The following TRIM37 variants were observed in gnomAD, a reference collection of about 807,000 sequenced individuals.
TRIM37 encodes the protein E3 ubiquitin-protein ligase TRIM37.
Under a neutral mutation model 129.8 loss-of-function variants are expected in TRIM37, and 80 were observed. The ratio of observed to expected loss-of-function variants is 0.62; its 90% confidence interval spans 0.51 to 0.74. The LOEUF (loss-of-function observed/expected upper bound fraction) is 0.74. Among genes scored for constraint, TRIM37 ranks in the 30% least tolerant of loss-of-function variants. The probability of loss-of-function intolerance (pLI) is 0.00; values close to 1 mark genes in which losing one functional copy is unlikely to be tolerated. For synonymous variants in TRIM37, 389 were observed against 387.1 expected (o/e 1.00, Z -0.06); for missense variants, 1,054 against 1,176.5 (o/e 0.90, Z 1.52).
At chr17:59,088,008 C>T in intron 4 of TRIM37, 1 of 571,788 alleles carries the variant, frequency 1.7e-6, no homozygotes, top group Non-Finnish European at 3.1e-6. Flanking sequence ...GAAATCATGT[C>T]TCATTTACCT....
At chr17:58,994,129 A>T (rs1054961335), downstream of TRIM37, among the ~76,000 whole-genome samples, 16 of 152,258 alleles carry the variant, frequency 1.1e-4, no homozygotes, top group Middle Eastern at 3.4e-3. Flanking sequence ...TCTGTCAGAG[A>T]AAGGCATTAT....
chr17:59,091,612 A>C (rs75806421), intron 2 of TRIM37, among the ~76,000 whole-genome samples: 1 of 94,048 alleles, frequency 1.1e-5, no homozygotes, highest in East Asian at 2.5e-4. Flanking sequence ...TATATAATAT[A>C]TATATAATGT....
chr17:58,967,663 A>T, the TRIM37 span, among the ~76,000 whole-genome samples: 3 of 151,960 alleles, frequency 2.0e-5, no homozygotes, highest in Non-Finnish European at 4.4e-5. Flanking sequence ...GTGTTTTTTT[A>T]AAAAGAAGCT....
chr17:58,987,306 A>C (rs2031909938), intron 24 of TRIM37, among the ~76,000 whole-genome samples: 2 of 152,224 alleles, frequency 1.3e-5, no homozygotes, highest in Non-Finnish European at 2.9e-5. Context: ...AATTAAGCCA[A>C]ATCGAGTTGC....
rs764216336 is a variant in TRIM37, at chr17:58,999,466, T to A, written c.2813-7A>T. On this transcript the variant is annotated splice_region_variant and splice_polypyrimidine_tract_variant and intron_variant, in intron 23 of 23. Transcript: ENST00000262294. Reference sequence around the variant, plus strand: ...GGAAAACTGGAATGTGTATCTATGATTAAAAAATAAATAAAAAATTTAAAA... The same window carrying A: ...GGAAAACTGGAATGTGTATCTATGAATAAAAAATAAATAAAAAATTTAAAA... 6.2e-7 allele frequency: 1 copy of A among 1,601,634 alleles called. No individual in the cohort carries two copies. The highest frequency in any genetic ancestry group is 8.5e-7 in the Non-Finnish European group (1 of 1,174,112).
At chr17:59,056,398 A>C (rs1482329720) in intron 13 of TRIM37, among the ~76,000 whole-genome samples, 3 of 152,140 alleles carry the variant, frequency 2.0e-5, no homozygotes, top group Non-Finnish European at 4.4e-5. Context: ...TTTGACTACA[A>C]ATTTTTGATT....
intron 13 of TRIM37, among the ~76,000 whole-genome samples, chr17:59,055,339 A>T (rs1189991011): frequency 6.7e-6 from 1 of 148,390 alleles, no homozygotes; most frequent in Non-Finnish European, 1.5e-5. Flanking sequence ...TCTCAAAAAA[A>T]AAAAAAAAAA....
chr17:59,051,099 C>T, intron 14 of TRIM37, 115 bp downstream of exon 14: 4 of 747,644 alleles, frequency 5.4e-6, no homozygotes, highest in Admixed American at 5.2e-5. Flanking sequence ...GATTTTTTTT[C>T]TAATTACAAA....
chr17:59,017,753 T>C (rs975060065), intron 19 of TRIM37, among the ~76,000 whole-genome samples: 1 of 151,982 alleles, frequency 6.6e-6, no homozygotes. Flanking sequence ...GCCTCCCGAG[T>C]AGCTCAGATT....
At position 59,028,482 on chromosome 17, in the gene TRIM37, G is replaced by A; in HGVS notation, c.2190C>T (p.Gly730=). Reference sequence around the variant, plus strand: ...GTTCCATTCCCAAATCCTGCAATCTGCCAGAGTTTTCAGTTCCACATGCAG... The same window carrying A: ...GTTCCATTCCCAAATCCTGCAATCTACCAGAGTTTTCAGTTCCACATGCAG... The part of the protein sequence containing the change: ...ALAACGTENS[G]RLQDLGMELL... The change falls in exon 19 of 24, where the codon GGC becomes GGT. Residue 730 remains glycine, a synonymous_variant. Coordinates refer to ENST00000262294, the MANE Select transcript of TRIM37 (RefSeq NM_015294.6). The A allele has an allele frequency of 1.2e-6, 2 of 1,614,090 alleles. No individual in the cohort carries two copies. Among genetic ancestry groups the A allele is most frequent in the South Asian group, 2.2e-5 (2 of 91,054 alleles).
intron 8 of TRIM37, among the ~76,000 whole-genome samples, chr17:59,071,311 A>C (rs972199489): frequency 1.4e-5 from 2 of 139,514 alleles, no homozygotes; most frequent in Non-Finnish European, 3.1e-5. Flanking sequence ...TTTGAGACAG[A>C]GTCTTGCTCT....
At chr17:59,007,231 C>CCACCCCCACA (rs60395023) in intron 22 of TRIM37, among the ~76,000 whole-genome samples, 1 of 97,500 alleles carries the variant, frequency 1.0e-5, no homozygotes, top group African/African-American at 4.1e-5. Flanking sequence ...CCCCACCCAC[C>CCACCCCCACA]CACACACACA....
intron 7 of TRIM37, among the ~76,000 whole-genome samples, 185 bp downstream of exon 7, chr17:59,079,569 T>C (rs980535868): frequency 1.3e-5 from 2 of 152,206 alleles, no homozygotes; most frequent in African/African-American, 4.8e-5. Flanking sequence ...CAAATGGCTA[T>C]GAAAATTTTT....
In TRIM37 at chr17:59,061,055, T is replaced by C. The variant is rs762104530; in HGVS notation, c.996A>G (p.Ser332=). 132 of 1,613,526 alleles carry C rather than the reference T, an allele frequency of 8.2e-5. 1 individual carries two copies. In the Admixed American group the frequency reaches 2.2e-3, roughly 26 times the overall value. The change falls in exon 12 of 24, where the codon TCA becomes TCG. Residue 332 remains serine (S), a synonymous_variant. Transcript: ENST00000262294. ...ACTTAGAAGTTTCAGGCAAGCCAGCTGAGAGCTCCAGAAACACAGATAAGT... is the reference window on the plus strand; with the variant it reads ...ACTTAGAAGTTTCAGGCAAGCCAGCCGAGAGCTCCAGAAACACAGATAAGT... The part of the protein sequence containing the change: ...GYYLSVFLEL[S]AGLPETSKYE...
chr17:59,034,739 C>G (rs2038271872), intron 17 of TRIM37, among the ~76,000 whole-genome samples: 1 of 152,120 alleles, frequency 6.6e-6, no homozygotes, highest in African/African-American at 2.4e-5. Flanking sequence ...TTCAGTTTCT[C>G]TCTTTCCAAG....
intron 22 of TRIM37, among the ~76,000 whole-genome samples, chr17:59,011,809 C>A (rs1470015914): frequency 1.3e-5 from 2 of 152,110 alleles, no homozygotes; most frequent in African/African-American, 4.8e-5. Flanking sequence ...AAGAATAAAG[C>A]AATCTACAGA....
Position 59,013,999 on chromosome 17 carries a change from C to CT in TRIM37, c.2577-1554dup, listed in dbSNP as rs547860014. Among the ~76,000 whole-genome samples, 140 of 151,468 alleles carry CT rather than the reference C, an allele frequency of 9.2e-4. 3 individuals are homozygous for CT. The highest frequency in any genetic ancestry group is 3.2e-3 in the African/African-American group (132 of 41,378). On this transcript the variant is annotated intron_variant, in intron 21 of 23. Transcript: ENST00000262294. Reference sequence around the variant, plus strand: ...ATTTTACACTCTAGAAAAAAAAAAACTAAGTTCATGTATATTTAATTGTGG... The same window carrying CT: ...ATTTTACACTCTAGAAAAAAAAAAACTTAAGTTCATGTATATTTAATTGTGG...
intron 2 of TRIM37, among the ~76,000 whole-genome samples, chr17:59,095,595 A>G (rs2044775537): frequency 6.6e-6 from 1 of 152,254 alleles, no homozygotes; most frequent in South Asian, 2.1e-4. Context: ...AATTGCAAGG[A>G]AACTAGGAGG....
rs116464235 is a variant in TRIM37, at chr17:59,007,916, G to A, written c.2695+4412C>T. Reference sequence around the variant, plus strand: ...GAGAACCCCACAGTGATATGACACCGAATGTCTTCTTTTTGTATTCAGCTA... The same window carrying A: ...GAGAACCCCACAGTGATATGACACCAAATGTCTTCTTTTTGTATTCAGCTA... On this transcript the variant is annotated intron_variant, in intron 22 of 23. Transcript: ENST00000262294. Among the ~76,000 whole-genome samples, 989 of 152,194 alleles carry A rather than the reference G, an allele frequency of 6.5e-3. 6 individuals carry two copies. Among genetic ancestry groups the A allele is most frequent in the African/African-American group, 0.022 (925 of 41,536 alleles).
Sources: gnomAD v4.1 joint callset for allele counts (sites outside exome capture counted in the v4.1 genomes callset) on GRCh38, gnomAD v4.1.1 for gene constraint, MANE v1.5 for transcripts, NCBI Gene and HGNC (gene_info 2026-07-23, HGNC 2026-07-21) for gene names.